The following KIF26B variants were observed in gnomAD, a reference collection of about 807,000 sequenced individuals.
KIF26B encodes the protein kinesin family member 26B.
Under a neutral mutation model 151.2 loss-of-function variants are expected in KIF26B, and 63 were observed. That is an observed-to-expected ratio of 0.42 (90% CI 0.34 to 0.51). The LOEUF is 0.51. Ranked by LOEUF, KIF26B falls within the 20% of genes least tolerant of loss-of-function variation. KIF26B has a pLI of 0.07. For missense variants in KIF26B, 2,813 were observed against 2,913.6 expected (o/e 0.97, Z 0.79); for synonymous variants, 1,357 against 1,262.1 (o/e 1.08, Z -1.59).
chr1:245,639,277 G>A (rs544344691), intron 9 of KIF26B, among the ~76,000 whole-genome samples: 1 of 151,748 alleles, frequency 6.6e-6, no homozygotes, highest in East Asian at 1.9e-4. Flanking sequence ...ATTCATAATG[G>A]TCGCTAATGA....
At chr1:245,361,534 C>T (rs1672819082) in intron 2 of KIF26B, among the ~76,000 whole-genome samples, 1 of 152,212 alleles carries the variant, frequency 6.6e-6, no homozygotes, top group Non-Finnish European at 1.5e-5. Context: ...GGGCTGTGGG[C>T]TTACAAAGCA....
At position 245,491,526 on chromosome 1, in the gene KIF26B, C is replaced by T. The variant is rs716010; in HGVS notation, c.1167-49241C>T. 4.7e-3 allele frequency among the ~76,000 whole-genome samples: 709 copies of T among 152,278 alleles called. 24 individuals are homozygous for T. Among genetic ancestry groups the T allele is most frequent in the Admixed American group, 0.032 (485 of 15,306 alleles). ...TAAAGTAAACCTTGGGGAATGTTCC[C>T]GTAGCCTGAGCGGGAAACACTGGCC... On this transcript the variant is annotated intron_variant, in intron 4 of 14. Coordinates refer to ENST00000407071, the MANE Select transcript of KIF26B (RefSeq NM_018012.4).
In KIF26B at chr1:245,166,240, A is replaced by ATTCCTACCCTCC. The variant is rs1273171668; in HGVS notation, c.465+9563_465+9574dup. Among the ~76,000 whole-genome samples, 1 of 152,132 alleles carries ATTCCTACCCTCC rather than the reference A, an allele frequency of 6.6e-6. No individual in the cohort carries two copies. The highest frequency in any genetic ancestry group is 1.5e-5 in the Non-Finnish European group (1 of 68,032). ...CACAGGAAGTTGAATTTTATATAAGATTCCTACCCTCCTTCCTTCCCTCCT... is the reference window on the plus strand; with the variant it reads ...CACAGGAAGTTGAATTTTATATAAGATTCCTACCCTCCTTCCTACCCTCCTTCCTTCCCTCCT... On this transcript the variant is annotated intron_variant, in intron 2 of 14. Transcript: ENST00000407071. The surrounding 1 kb of genome is among the most constrained non-coding windows in gnomAD (Gnocchi z 4.5).
In KIF26B at chr1:245,572,187, T is replaced by C. The variant is rs1252511161; in HGVS notation, c.1351-30390T>C. ...GACTCTTACTACGTGGCCGTAGGAATGGTTTGCCCTTGCTCAGGACTTATT... is the reference window on the plus strand; with the variant it reads ...GACTCTTACTACGTGGCCGTAGGAACGGTTTGCCCTTGCTCAGGACTTATT... On this transcript the variant is annotated intron_variant, in intron 5 of 14. Transcript: ENST00000407071. This position sits in a 1 kb window ranked among gnomAD's most constrained non-coding sequence, Gnocchi z 4.2. 6.6e-6 allele frequency among the ~76,000 whole-genome samples: 1 copy of C among 152,174 alleles called. No individual in the cohort carries two copies. Among genetic ancestry groups the C allele is most frequent in the Admixed American group, 6.5e-5 (1 of 15,278 alleles).
chr1:245,417,531 G>T (rs1224624658), intron 3 of KIF26B, among the ~76,000 whole-genome samples: 1 of 152,118 alleles, frequency 6.6e-6, no homozygotes, highest in Non-Finnish European at 1.5e-5. Context: ...ATTGATGATT[G>T]AATAGTTCTA....
At position 245,668,192 on chromosome 1, in the gene KIF26B, G is replaced by A. The variant is rs566903228; in HGVS notation, c.2259-16041G>A. 4.6e-5 allele frequency among the ~76,000 whole-genome samples: 7 copies of A among 152,250 alleles called. No homozygotes were observed. The East Asian group carries it at 7.7e-4, about 17-fold the overall frequency. ...TTTACAGATGTGAGCCACCAAGCCC[G>A]GCCCCCTATTTCCTTATCTTCTTAT... On this transcript the variant is annotated intron_variant, in intron 10 of 14. Coordinates refer to ENST00000407071, the MANE Select transcript of KIF26B (RefSeq NM_018012.4).
intron 2 of KIF26B, among the ~76,000 whole-genome samples, chr1:245,177,119 T>A (rs1370274503): frequency 6.6e-6 from 1 of 152,210 alleles, no homozygotes; most frequent in Non-Finnish European, 1.5e-5. Flanking sequence ...CATGCCTAGC[T>A]ATTTTTTAAA....
chr1:245,162,659 C>T (rs990225346), intron 2 of KIF26B, among the ~76,000 whole-genome samples: 3 of 152,206 alleles, frequency 2.0e-5, no homozygotes, highest in Admixed American at 6.5e-5. Flanking sequence ...GCTGGGATTA[C>T]AGGCAGAAAT....
chr1:245,547,515 G>A (rs940962020), intron 5 of KIF26B, among the ~76,000 whole-genome samples: 2 of 150,876 alleles, frequency 1.3e-5, no homozygotes, highest in African/African-American at 4.9e-5. Context: ...GAACCCGGGA[G>A]GCGGAGTTGC....
chr1:245,310,741 C>T (rs1671649829), intron 2 of KIF26B, among the ~76,000 whole-genome samples: 3 of 152,196 alleles, frequency 2.0e-5, no homozygotes, highest in African/African-American at 7.2e-5. Flanking sequence ...AGCAGCAACG[C>T]GGGACGATGG....
At chr1:245,522,896 G>GA (rs1661160008) in intron 4 of KIF26B, among the ~76,000 whole-genome samples, 1 of 152,162 alleles carries the variant, frequency 6.6e-6, no homozygotes, top group South Asian at 2.1e-4. Flanking sequence ...AAGCTGCTAA[G>GA]AAAAAATGTC....
chr1:245,498,932 G>A (rs546596302), intron 4 of KIF26B, among the ~76,000 whole-genome samples: 2 of 152,280 alleles, frequency 1.3e-5, no homozygotes, highest in South Asian at 4.2e-4. Flanking sequence ...AAAATGGGAA[G>A]TTTTTTTGTG....
intron 10 of KIF26B, among the ~76,000 whole-genome samples, chr1:245,676,808 T>G (rs1314903150): frequency 6.6e-6 from 1 of 152,228 alleles, no homozygotes; most frequent in Non-Finnish European, 1.5e-5. Flanking sequence ...CTCTCATGAA[T>G]GCTCATCACA....
At chr1:245,401,940 C>G (rs752448901) in intron 3 of KIF26B, among the ~76,000 whole-genome samples, 1 of 152,090 alleles carries the variant, frequency 6.6e-6, no homozygotes, top group East Asian at 1.9e-4. Flanking sequence ...GAAACAGCAA[C>G]AACAACAACA....
At chr1:245,487,778 T>TG (rs1204220264) in intron 4 of KIF26B, among the ~76,000 whole-genome samples, 1 of 5,748 alleles carries the variant, frequency 1.7e-4, no homozygotes, top group African/African-American at 2.4e-4. Context: ...TTTTTTTTTT[T>TG]TTTGAGACAA....
At chr1:245,660,673 G>T (rs1051755618) in intron 10 of KIF26B, among the ~76,000 whole-genome samples, 22 of 152,046 alleles carry the variant, frequency 1.4e-4, no homozygotes, top group African/African-American at 5.3e-4. Context: ...TCATCTTAAG[G>T]TGGCTACTTA....
At chr1:245,216,123 A>C (rs145791877) in intron 2 of KIF26B, 10 of 152,096 alleles carry the variant, frequency 6.6e-5, no homozygotes, top group Middle Eastern at 3.4e-3. Context: ...CCAGCATCAT[A>C]GTTGTGCATA....
At chr1:245,629,266 A>T (rs1016545627) in intron 9 of KIF26B, among the ~76,000 whole-genome samples, 1 of 152,190 alleles carries the variant, frequency 6.6e-6, no homozygotes, top group Non-Finnish European at 1.5e-5. Context: ...ATATGAAACC[A>T]AAAAAGAGCC....
intron 2 of KIF26B, among the ~76,000 whole-genome samples, chr1:245,319,525 T>TA (rs1041285334): frequency 1.5e-4 from 23 of 149,518 alleles, no homozygotes; most frequent in African/African-American, 5.8e-4. Flanking sequence ...TTTTTTTTTT[T>TA]AATCAAAATA....
Sources: allele counts gnomAD v4.1 joint callset (sites outside exome capture counted in the v4.1 genomes callset), GRCh38; gene constraint gnomAD v4.1.1; non-coding constraint Gnocchi (gnomAD v3.1); transcripts MANE v1.5; gene names NCBI Gene and HGNC (gene_info 2026-07-23, HGNC 2026-07-21).